The following NRXN1 variants were observed in gnomAD, a reference collection of about 807,000 sequenced individuals.
The protein encoded by NRXN1 is neurexin-1.
A neutral mutation model predicts 150.9 loss-of-function variants in NRXN1; 39 were observed. That is an observed-to-expected ratio of 0.26 (90% confidence interval 0.20 to 0.34). NRXN1 has a LOEUF of 0.34. Among genes scored for constraint, NRXN1 ranks in the 10% least tolerant of loss-of-function variants. NRXN1 has a pLI of 1.00. For missense variants in NRXN1, 1,815 were observed against 1,949.9 expected, an observed-to-expected ratio of 0.93 and a Z score of 1.30; for synonymous variants, 924 against 757.0, an observed-to-expected ratio of 1.22 and a Z score of -3.62.
intron 17 of NRXN1, among the ~76,000 whole-genome samples, chr2:50,462,730 T>C (rs1160257872): frequency 6.6e-6 from 1 of 151,860 alleles, no homozygotes; most frequent in Non-Finnish European, 1.5e-5. Flanking sequence ...CACTTCTTTT[T>C]GAAAGATTCC....
chr2:50,118,097 A>C (rs6744441), intron 18 of NRXN1, among the ~76,000 whole-genome samples: 41,897 of 151,990 alleles, frequency 0.28, 6,171 homozygotes, highest in Admixed American at 0.4. Context: ...TTTAGGAGAA[A>C]ATACAAAAGT....
intron 22 of NRXN1, among the ~76,000 whole-genome samples, chr2:49,931,662 A>T (rs1398638273): frequency 6.6e-6 from 1 of 152,030 alleles, no homozygotes; most frequent in Non-Finnish European, 1.5e-5. Context: ...ATAATTGAGA[A>T]AATCAGTTTC....
intron 18 of NRXN1, among the ~76,000 whole-genome samples, chr2:50,101,648 G>C (rs954252797): frequency 6.6e-6 from 1 of 151,970 alleles, no homozygotes. Flanking sequence ...ATCCTTAAAA[G>C]ACGTGAAAAC....
intron 2 of NRXN1, among the ~76,000 whole-genome samples, chr2:50,932,128 C>T (rs577203570): frequency 1.2e-4 from 18 of 152,230 alleles, no homozygotes; most frequent in African/African-American, 4.1e-4. Context: ...TGGTTCACAC[C>T]TGTAATCCCA....
At chr2:50,758,496 T>C (rs1350900364) in intron 5 of NRXN1, among the ~76,000 whole-genome samples, 2 of 151,774 alleles carry the variant, frequency 1.3e-5, no homozygotes, top group Non-Finnish European at 2.9e-5. Flanking sequence ...ACAAACAAAA[T>C]GATGTTTCGC....
intron 21 of NRXN1, among the ~76,000 whole-genome samples, chr2:50,043,534 T>C (rs917790758): frequency 2.6e-5 from 4 of 152,170 alleles, no homozygotes; most frequent in Admixed American, 2.0e-4. Context: ...TCAAGGACAA[T>C]TTCTTTTGGA....
chr2:50,923,374 A>G, intron 3 of NRXN1: 1 of 284,292 alleles, frequency 3.5e-6, no homozygotes, highest in South Asian at 3.5e-5. Flanking sequence ...ATTATTTGAG[A>G]TTTCACCTAA....
chr2:50,926,627 G>T (rs1686930625), intron 2 of NRXN1, among the ~76,000 whole-genome samples: 1 of 151,882 alleles, frequency 6.6e-6, no homozygotes, highest in Non-Finnish European at 1.5e-5. Context: ...GTGATCACTG[G>T]AAGAGAAGTC....
At chr2:50,572,574 A>C (rs546379273) in intron 8 of NRXN1, among the ~76,000 whole-genome samples, 2 of 152,272 alleles carry the variant, frequency 1.3e-5, no homozygotes, top group South Asian at 4.1e-4. Flanking sequence ...TGTTATATCA[A>C]TTCTCTGATG....
intron 5 of NRXN1, among the ~76,000 whole-genome samples, chr2:50,826,142 G>A (rs1670420068): frequency 6.6e-6 from 1 of 152,170 alleles, no homozygotes; most frequent in South Asian, 2.1e-4. Flanking sequence ...AGAGGGACTG[G>A]GGGAAGGGAA....
At chr2:50,441,946 C>G (rs2085990290) in intron 17 of NRXN1, among the ~76,000 whole-genome samples, 1 of 152,166 alleles carries the variant, frequency 6.6e-6, no homozygotes, top group South Asian at 2.1e-4. Flanking sequence ...TCAGCTCTTT[C>G]CAAGCACTGT....
At chr2:50,921,367 C>CTTAT (rs1406241859) in intron 5 of NRXN1, among the ~76,000 whole-genome samples, 1 of 151,742 alleles carries the variant, frequency 6.6e-6, no homozygotes, top group African/African-American at 2.4e-5. Flanking sequence ...TTGTCTCTTT[C>CTTAT]TTAATACTGC....
chr2:50,903,987 C>G (rs1275425066), intron 5 of NRXN1, among the ~76,000 whole-genome samples: 1 of 151,984 alleles, frequency 6.6e-6, no homozygotes, highest in East Asian at 1.9e-4. Flanking sequence ...GGAGAAAGCC[C>G]AATGTTAAAA....
At chr2:50,215,409 T>G (rs542455944) in intron 18 of NRXN1, among the ~76,000 whole-genome samples, 10 of 152,172 alleles carry the variant, frequency 6.6e-5, no homozygotes, top group African/African-American at 2.4e-4. Flanking sequence ...TAACATGACC[T>G]GCTACCAAGT....
At chr2:50,595,553 C>G (rs909537207) in intron 8 of NRXN1, among the ~76,000 whole-genome samples, 2 of 152,096 alleles carry the variant, frequency 1.3e-5, no homozygotes, top group African/African-American at 4.8e-5. Flanking sequence ...TGCAAAGATG[C>G]CACGGTCAGC....
chr2:50,859,140 T>C (rs959351104), intron 5 of NRXN1, among the ~76,000 whole-genome samples: 4 of 152,018 alleles, frequency 2.6e-5, no homozygotes, highest in African/African-American at 9.7e-5. Context: ...GTACATTTTT[T>C]TTTCCTTTAT....
intron 17 of NRXN1, among the ~76,000 whole-genome samples, chr2:50,274,396 G>C (rs2070143108): frequency 6.6e-6 from 1 of 152,074 alleles, no homozygotes; most frequent in Non-Finnish European, 1.5e-5. Context: ...GGCCTGCTGG[G>C]GGTTGGGGGG....
At chr2:50,901,951 C>G (rs1683017728) in intron 5 of NRXN1, among the ~76,000 whole-genome samples, 1 of 152,202 alleles carries the variant, frequency 6.6e-6, no homozygotes, top group African/African-American at 2.4e-5. Context: ...CTCCCATATG[C>G]TGTCCTTCCA....
At chr2:50,775,948 T>C (rs2081460252) in intron 5 of NRXN1, among the ~76,000 whole-genome samples, 1 of 152,094 alleles carries the variant, frequency 6.6e-6, no homozygotes. Flanking sequence ...TTGTTGGCTC[T>C]GTGATAAGAA....
Sources: allele counts gnomAD v4.1 joint callset (sites outside exome capture counted in the v4.1 genomes callset), GRCh38; gene constraint gnomAD v4.1.1; transcripts MANE v1.5; gene names NCBI Gene and HGNC (gene_info 2026-07-23, HGNC 2026-07-21).